Variants in ZNF22 observed in about 807,000 individuals in gnomAD.
The protein encoded by ZNF22 is krox-26 protein.
Under a neutral mutation model 17.0 loss-of-function variants are expected in ZNF22, and 15 were observed. That is an observed-to-expected ratio of 0.88 (90% CI 0.59 to 1.36). The LOEUF (loss-of-function observed/expected upper bound fraction) is 1.36. Ranked by LOEUF, ZNF22 falls within the 40% of genes most tolerant of loss-of-function variation. ZNF22 has a pLI of 0.00. For missense variants in ZNF22, 272 were observed against 276.1 expected (o/e 0.98, Z 0.11); for synonymous variants, 84 against 90.7 (o/e 0.93, Z 0.42).
chr10:45,002,683 T>G (rs548258308), intron 1 of ZNF22: 1 of 152,332 alleles, frequency 6.6e-6, no homozygotes, highest in South Asian at 2.1e-4. Flanking sequence ...TTCAAAACAC[T>G]TTATGCTACA....
In ZNF22 at chr10:45,004,841, T is replaced by G. The variant is rs1370270769; in HGVS notation, c.*798T>G. 6.0e-6 allele frequency: 1 copy of G among 167,144 alleles called. No individual in the cohort carries two copies. The highest frequency in any genetic ancestry group is 1.5e-5 in the Non-Finnish European group (1 of 68,128). 10.4% of individuals were successfully genotyped at this position (167,144 alleles called of 1,614,324 possible). ...TTCCACAAGTTGGGATGGATTCATG[T>G]CGATACATCCCCATGCCCTTGACCT... On this transcript the variant is annotated 3_prime_UTR_variant, in exon 2 of 2. Coordinates refer to ENST00000298299, the MANE Select transcript of ZNF22 (RefSeq NM_006963.5).
rs772886337 is a variant in ZNF22 at position 45,003,407 on chromosome 10, C to T, written c.39C>T (p.Ser13=). ...LAKPKAGISR[S]SSQGKAYENK... is the part of the protein sequence containing the mutation. ...AGCCTAAAGCGGGTATTTCTCGGAG[C>T]TCAAGCCAAGGAAAGGCCTATGAGA... The change falls in exon 2 of 2, where the codon AGC becomes AGT. Residue 13 remains serine (S), a synonymous_variant. Transcript: ENST00000298299. 2 of 1,611,746 alleles carry T rather than the reference C, an allele frequency of 1.2e-6. No homozygotes were observed. The highest frequency in any genetic ancestry group is 2.2e-5 in the East Asian group (1 of 44,852).
At position 45,003,997 on chromosome 10, in the gene ZNF22, C is replaced by T. The variant is rs1278924640; in HGVS notation, c.629C>T (p.Ser210Phe). 3 of 1,613,898 alleles carry T rather than the reference C, an allele frequency of 1.9e-6. No homozygotes were observed. Among genetic ancestry groups the T allele is most frequent in the Non-Finnish European group, 2.5e-6 (3 of 1,179,886 alleles). ...KNIRVKTHLP[S>F]WKAGTGRKSV... ...ATCAGGGTGAAGACTCACTTACCCT[C>T]TTGGAAAGCTGGTACAGGAAGGAAG... Residue 210 changes from serine to phenylalanine, a missense_variant, in exon 2 of 2, where the codon TCT becomes TTT. Ser to Phe is a radical substitution (Grantham distance 155). Coordinates refer to ENST00000298299, the MANE Select transcript of ZNF22 (RefSeq NM_006963.5).
chr10:45,001,524 T>G (rs975575441), intron 1 of ZNF22, among the ~76,000 whole-genome samples: 1 of 152,152 alleles, frequency 6.6e-6, no homozygotes, highest in African/African-American at 2.4e-5. Flanking sequence ...CAGGTTTAAC[T>G]TCGTGCTTGC....
In ZNF22 at chr10:45,003,293, G is replaced by C; in HGVS notation, c.-76G>C. 7.0e-7 allele frequency: 1 copy of C among 1,430,406 alleles called. No homozygotes were observed. Among genetic ancestry groups the C allele is most frequent in the South Asian group, 1.4e-5 (1 of 69,486 alleles). The allele number at this position is 1,430,406 out of a possible 1,614,324, so 88.6% of individuals were successfully genotyped here. Reference sequence around the variant, plus strand: ...TTCTACACACAGAAAATTCTGAGCTGTACACCTCTAGGAAATGAAACACTA... The same window carrying C: ...TTCTACACACAGAAAATTCTGAGCTCTACACCTCTAGGAAATGAAACACTA... On this transcript the variant is annotated 5_prime_UTR_variant, in exon 2 of 2. Coordinates refer to ENST00000298299, the MANE Select transcript of ZNF22 (RefSeq NM_006963.5).
In ZNF22 at chr10:45,004,668, A is replaced by T. The variant is rs1588861700; in HGVS notation, c.*625A>T. On this transcript the variant is annotated 3_prime_UTR_variant, in exon 2 of 2. Coordinates refer to ENST00000298299, the MANE Select transcript of ZNF22 (RefSeq NM_006963.5). ...ACAGTTGTTAATGAAAGGAGTAAGGATTTCCCTTTTTTTGTTTTGTTTGTT... is the reference window on the plus strand; with the variant it reads ...ACAGTTGTTAATGAAAGGAGTAAGGTTTTCCCTTTTTTTGTTTTGTTTGTT... 1 of 166,784 alleles carries T rather than the reference A, an allele frequency of 6.0e-6. No individual in the cohort carries two copies. The highest frequency in any genetic ancestry group is 1.9e-4 in the East Asian group (1 of 5,188). The allele number at this position is 166,784 out of a possible 1,614,324, so 10.3% of individuals were successfully genotyped here.
intron 1 of ZNF22, among the ~76,000 whole-genome samples, chr10:45,001,616 C>T (rs1307014364): frequency 2.0e-5 from 3 of 152,182 alleles, no homozygotes; most frequent in Admixed American, 1.3e-4. Context: ...AGAGTACAGG[C>T]TCTGGAGTCA....
intron 1 of ZNF22, chr10:45,002,589 T>C (rs1842342733): frequency 6.6e-6 from 1 of 152,250 alleles, no homozygotes; most frequent in South Asian, 2.1e-4. Flanking sequence ...CTTTCTTGGA[T>C]CATTAGGATC....
chr10:45,003,561 A>G lies in ZNF22; in HGVS notation c.193A>G (p.Ser65Gly), dbSNP rs3740093. ...ATGTACTGAATGTGAAAAGAGTTTC[A>G]GTCAGAGTTCAACTCTTTTTCAACA... ...YKCTECEKSF[S>G]QSSTLFQHQK... The change falls in exon 2 of 2, where the codon AGT (serine) becomes GGT (glycine). Residue 65 changes from serine to glycine, a missense_variant. Ser to Gly is a moderately conservative substitution (Grantham distance 56). Transcript: ENST00000298299. The G allele has an allele frequency of 0.048, 78,158 of 1,614,214 alleles. 2,136 individuals are homozygous for G. The highest frequency in any genetic ancestry group is 0.08 in the East Asian group (3,592 of 44,882).
At chr10:45,002,284 A>G (rs1186046659) in intron 1 of ZNF22, 1 of 152,340 alleles carries the variant, frequency 6.6e-6, no homozygotes, top group Non-Finnish European at 1.5e-5. Context: ...ATTGCCACCT[A>G]TGTGGGGTTT....
intron 1 of ZNF22, among the ~76,000 whole-genome samples, chr10:45,001,481 G>A (rs1317409529): frequency 6.6e-6 from 1 of 152,228 alleles, no homozygotes; most frequent in Admixed American, 6.5e-5. Context: ...ATTCCAGTTA[G>A]CTGGGTGTGC....
intron 1 of ZNF22, among the ~76,000 whole-genome samples, chr10:45,002,006 A>G (rs998061193): frequency 1.3e-5 from 2 of 152,194 alleles, no homozygotes; most frequent in African/African-American, 4.8e-5. Flanking sequence ...CTTGTGTTAT[A>G]TGCGGCTTAC....
chr10:45,002,596 G>T (rs1189096974), intron 1 of ZNF22: 2 of 152,118 alleles, frequency 1.3e-5, no homozygotes, highest in Non-Finnish European at 2.9e-5. Context: ...GGATCATTAG[G>T]ATCTATAAAA....
chr10:45,001,229 G>A (rs1300363714), intron 1 of ZNF22, among the ~76,000 whole-genome samples: 2 of 150,646 alleles, frequency 1.3e-5, no homozygotes, highest in South Asian at 4.2e-4. Flanking sequence ...GGGAACGGGA[G>A]GCTTGGACTG....
Position 45,003,841 on chromosome 10 carries a change from A to G in ZNF22, c.473A>G (p.Gln158Arg), listed in dbSNP as rs768119479. Residue 158 changes from glutamine (Q) to arginine (R), a missense_variant, in exon 2 of 2, where the codon CAG (glutamine) becomes CGG (arginine). Gln to Arg is a conservative substitution (Grantham distance 43, BLOSUM62 1). Transcript: ENST00000298299. ...CAGAGCTCCCACCTTATTCAACATC[A>G]GAGAACCCACACTGGGGAGAAACCC... The part of the protein sequence containing the change: ...FSQSSHLIQH[Q>R]RTHTGEKPYQ... 3.7e-6 allele frequency: 6 copies of G among 1,614,052 alleles called. No homozygotes were observed. In the East Asian group the frequency reaches 1.1e-4, roughly 30 times the overall value.
chr10:45,003,441 A>G lies in ZNF22; in HGVS notation c.73A>G (p.Lys25Glu), dbSNP rs1842349629. 3.1e-6 allele frequency: 5 copies of G among 1,614,268 alleles called. No homozygotes were observed. The highest frequency in any genetic ancestry group is 3.4e-6 in the Non-Finnish European group (4 of 1,180,052). ...AGGAAAGGCCTATGAGAACAAGCGC[A>G]AAACAGGCCGGCAGCGGCAGAAGTG... ...SQGKAYENKR[K>E]TGRQRQKWGM... Residue 25 changes from lysine to glutamate, a missense_variant, in exon 2 of 2, where the codon AAA becomes GAA. Transcript: ENST00000298299.
Position 45,003,619 on chromosome 10 carries a change from A to G in ZNF22, c.251A>G (p.Lys84Arg). The change falls in exon 2 of 2, where the codon AAA becomes AGA. Residue 84 changes from lysine (K) to arginine (R), a missense_variant. Physicochemically the swap from Lys to Arg is conservative, Grantham distance 26. Transcript: ENST00000298299. ...QKIHTGKKSH[K>R]CADCGKSFFQ... ...ATCCATACTGGAAAGAAATCCCATA[A>G]ATGTGCTGATTGTGGGAAAAGTTTC... The G allele has an allele frequency of 6.2e-7, 1 of 1,614,200 alleles. No homozygotes were observed. Among genetic ancestry groups the G allele is most frequent in the Non-Finnish European group, 8.5e-7 (1 of 1,180,040 alleles).
At chr10:45,001,044 C>T in intron 1 of ZNF22, 66 bp downstream of exon 1, 1 of 205,724 alleles carries the variant, frequency 4.9e-6, no homozygotes. Flanking sequence ...CGCTCGGGAG[C>T]GCGCTGGCCG....
In ZNF22 at chr10:45,004,312, T is replaced by A; in HGVS notation, c.*269T>A. The A allele has an allele frequency of 3.0e-6, 1 of 336,694 alleles. No individual in the cohort carries two copies. Among genetic ancestry groups the A allele is most frequent in the Non-Finnish European group, 5.6e-6 (1 of 178,004 alleles). The allele number at this position is 336,694 out of a possible 1,614,324, so 20.9% of individuals were successfully genotyped here. A position where few individuals can be genotyped will look rare whatever the true frequency, so the allele number is the denominator to read the frequency against. ...AGGGAGCATGACATCCTTGACCTCATTTGAAATTACTTCCATTTTCAAAAA... is the reference window on the plus strand; with the variant it reads ...AGGGAGCATGACATCCTTGACCTCAATTGAAATTACTTCCATTTTCAAAAA... On this transcript the variant is annotated 3_prime_UTR_variant, in exon 2 of 2. Coordinates refer to ENST00000298299, the MANE Select transcript of ZNF22 (RefSeq NM_006963.5).
Sources: gnomAD v4.1 joint callset for allele counts (sites outside exome capture counted in the v4.1 genomes callset) on GRCh38, gnomAD v4.1.1 for gene constraint, MANE v1.5 for transcripts, NCBI Gene and HGNC (gene_info 2026-07-23, HGNC 2026-07-21) for gene names.